The following EEF2K variants were observed in gnomAD, a reference collection of about 807,000 sequenced individuals.
EEF2K encodes eukaryotic elongation factor 2 kinase.
A neutral mutation model predicts 93.8 loss-of-function variants in EEF2K; 70 were observed. The observed-to-expected ratio is 0.75, with a 90% CI of 0.62 to 0.91. The LOEUF (loss-of-function observed/expected upper bound fraction) is 0.91. EEF2K is among the 40% of genes least tolerant of loss of function. EEF2K has a pLI of 0.00. For synonymous variants in EEF2K, 376 were observed against 380.8 expected, an observed-to-expected ratio of 0.99 and a Z score of 0.15; for missense variants, 935 against 972.9, an observed-to-expected ratio of 0.96 and a Z score of 0.52.
intron 2 of EEF2K, 52 bp from the exon 3 acceptor site, chr16:22,244,578 A>G: frequency 6.3e-7 from 1 of 1,591,848 alleles, no homozygotes; most frequent in East Asian, 2.2e-5. Flanking sequence ...CGCTGTCCCC[A>G]AAGCCCCTGA....
chr16:22,216,629 C>T lies in EEF2K; in HGVS notation c.-76-9025C>T, dbSNP rs184839305. Among the ~76,000 whole-genome samples the T allele has an allele frequency of 2.3e-4, 35 of 152,198 alleles. 1 individual carries two copies. The East Asian group carries it at 3.9e-3, about 17-fold the overall frequency. ...AACCAGATGGCTGGGCACTGTGACT[C>T]ATGCCTGTAATCTCAACATTTTGGG... On this transcript the variant is annotated intron_variant, in intron 1 of 17. Transcript: ENST00000263026.
chr16:22,280,446 C>T (rs1027624672), intron 17 of EEF2K, 70 bp downstream of exon 17: 91 of 1,341,902 alleles, frequency 6.8e-5, no homozygotes, highest in Non-Finnish European at 8.7e-5. Flanking sequence ...TTCCATTCCA[C>T]TGGGAGTTAT....
At chr16:22,271,385 T>C (rs1039241413) in intron 15 of EEF2K, among the ~76,000 whole-genome samples, 4 of 152,044 alleles carry the variant, frequency 2.6e-5, no homozygotes, top group African/African-American at 9.7e-5. Flanking sequence ...ATATTAAATT[T>C]TGCTAATTTA....
Position 22,243,247 on chromosome 16 carries a change from ATT to A in EEF2K, c.247-1364_247-1363del, listed in dbSNP as rs568043657. ...AGAATCTCCACCAGAGATGCAGCCT[ATT>A]TTTTTTTTTTTTTTTTTTCTGAGAC... On this transcript the variant is annotated intron_variant, in intron 2 of 17. Transcript: ENST00000263026. Among the ~76,000 whole-genome samples the A allele has an allele frequency of 3.7e-3, 434 of 118,462 alleles. 2 individuals carry two copies. The highest frequency in any genetic ancestry group is 5.5e-3 in the Admixed American group (61 of 11,102). 77.7% of individuals were successfully genotyped at this position (118,462 alleles called of 152,430 possible).
chr16:22,251,416 C>CTTT (rs113591855), intron 6 of EEF2K, 94 bp downstream of exon 6: 215 of 1,129,522 alleles, frequency 1.9e-4, no homozygotes, highest in Middle Eastern at 3.2e-4. Flanking sequence ...ATTTCACCTT[C>CTTT]TTTTTTTTTT....
chr16:22,258,787 C>T, intron 10 of EEF2K, 92 bp downstream of exon 10: 1 of 1,537,418 alleles, frequency 6.5e-7, no homozygotes, highest in Non-Finnish European at 8.9e-7. Context: ...AAAAATCAGA[C>T]ATGCTAATCG....
chr16:22,258,843 T>A, intron 10 of EEF2K, 148 bp downstream of exon 10: 1 of 1,018,410 alleles, frequency 9.8e-7, no homozygotes, highest in Non-Finnish European at 1.4e-6. Context: ...TTTCATTGAG[T>A]GAACTTTCAA....
In EEF2K at chr16:22,260,443, T is replaced by A; in HGVS notation, c.1232-19T>A. On this transcript the variant is annotated intron_variant, in intron 10 of 17. Coordinates refer to ENST00000263026, the MANE Select transcript of EEF2K (RefSeq NM_013302.5). ...CCAGTAGTGGAACCAGGACATGATGTCTGTTTCTCCCTGCCCAGATTGGCC... is the reference window on the plus strand; with the variant it reads ...CCAGTAGTGGAACCAGGACATGATGACTGTTTCTCCCTGCCCAGATTGGCC... 7 of 1,614,016 alleles carry A rather than the reference T, an allele frequency of 4.3e-6. No individual in the cohort carries two copies. Among genetic ancestry groups the A allele is most frequent in the Non-Finnish European group, 5.9e-6 (7 of 1,179,974 alleles).
intron 6 of EEF2K, 91 bp downstream of exon 6, chr16:22,251,413 C>A: frequency 1.5e-6 from 2 of 1,367,290 alleles, no homozygotes; most frequent in Non-Finnish European, 1.9e-6. Context: ...CCTATTTCAC[C>A]TTCTTTTTTT....
In EEF2K at chr16:22,285,398, G is replaced by A. The variant is rs1229790455; in HGVS notation, c.*1402G>A. On this transcript the variant is annotated 3_prime_UTR_variant, in exon 18 of 18. Coordinates refer to ENST00000263026, the MANE Select transcript of EEF2K (RefSeq NM_013302.5). ...AAGATGTTTGAGGATGAGAGGGCAA[G>A]AACTATAAACACTCATTAATTCTAG... 1 of 152,152 alleles carries A rather than the reference G, an allele frequency of 6.6e-6. No individual in the cohort carries two copies. Among genetic ancestry groups the A allele is most frequent in the Non-Finnish European group, 1.5e-5 (1 of 68,036 alleles). The allele number at this position is 152,152 out of a possible 1,614,324, so 9.4% of individuals were successfully genotyped here.
intron 10 of EEF2K, among the ~76,000 whole-genome samples, chr16:22,259,425 C>G (rs1217022519): frequency 6.6e-6 from 1 of 152,026 alleles, no homozygotes; most frequent in Non-Finnish European, 1.5e-5. Flanking sequence ...TTAAAGAAGC[C>G]CTTTAGATGT....
intron 15 of EEF2K, 136 bp from the exon 16 acceptor site, chr16:22,273,490 C>T: frequency 7.7e-7 from 1 of 1,300,914 alleles, no homozygotes; most frequent in Middle Eastern, 2.0e-4. Context: ...CAAGTGCCCC[C>T]TCCTATCTCA....
At chr16:22,221,027 G>T (rs1451348428) in intron 1 of EEF2K, among the ~76,000 whole-genome samples, 1 of 152,212 alleles carries the variant, frequency 6.6e-6, no homozygotes, top group Non-Finnish European at 1.5e-5. Context: ...GGTGGCTCTG[G>T]CATTGGATCC....
In EEF2K at chr16:22,256,952, C is replaced by A. The variant is rs2141673729; in HGVS notation, c.768+55C>A. ...CCACCACAGCCCTTGGGGTGAGATC[C>A]TGGCCAGGCTCAGCCCCTAAAGAGG... On this transcript the variant is annotated intron_variant, in intron 7 of 17. Transcript: ENST00000263026. 16 of 1,603,076 alleles carry A rather than the reference C, an allele frequency of 1.0e-5. No individual in the cohort carries two copies. The South Asian group carries it at 1.8e-4, about 18-fold the overall frequency.
chr16:22,266,933 G>C, intron 15 of EEF2K, 57 bp downstream of exon 15: 1 of 1,537,680 alleles, frequency 6.5e-7, no homozygotes, highest in Admixed American at 1.9e-5. Flanking sequence ...TCACCCTGTG[G>C]TTCACCTGCC....
chr16:22,257,411 C>G, intron 8 of EEF2K, 26 bp downstream of exon 8: 1 of 1,610,434 alleles, frequency 6.2e-7, no homozygotes, highest in Non-Finnish European at 8.5e-7. Flanking sequence ...CAGCCTGTTT[C>G]TGCAGAAACC....
chr16:22,218,741 C>T (rs1567259670), intron 1 of EEF2K, among the ~76,000 whole-genome samples: 1 of 152,024 alleles, frequency 6.6e-6, no homozygotes, highest in Non-Finnish European at 1.5e-5. Context: ...CCCACTGAGG[C>T]TCAAGAGGTG....
In EEF2K at chr16:22,283,981, C is replaced by G; in HGVS notation, c.2163C>G (p.Ala721=). The G allele has an allele frequency of 1.9e-6, 3 of 1,580,268 alleles. No individual in the cohort carries two copies. Among genetic ancestry groups the G allele is most frequent in the Non-Finnish European group, 2.6e-6 (3 of 1,162,772 alleles). ...ACCAAAAGGCTGAAGAGGCCTGGGC[C>G]CAGATGGAGGAGTAACCAGGAAAAT... ...QYYQKAEEAW[A]QMEE The change falls in exon 18 of 18, where the codon GCC becomes GCG. Residue 721 remains alanine, a synonymous_variant. Transcript: ENST00000263026.
intron 2 of EEF2K, among the ~76,000 whole-genome samples, chr16:22,242,321 A>T (rs2141663450): frequency 6.6e-6 from 1 of 152,046 alleles, no homozygotes; most frequent in Admixed American, 6.6e-5. Context: ...GTCCTTGGGA[A>T]GCTGGACTCT....
Sources: gnomAD v4.1 joint callset for allele counts (sites outside exome capture counted in the v4.1 genomes callset) on GRCh38, gnomAD v4.1.1 for gene constraint, MANE v1.5 for transcripts, NCBI Gene and HGNC (gene_info 2026-07-23, HGNC 2026-07-21) for gene names.